Variants in MRE11 observed in about 807,000 individuals in gnomAD.
MRE11 encodes the protein double-strand break repair protein MRE11.
A neutral mutation model predicts 91.7 loss-of-function variants in MRE11; 62 were observed. That is an observed-to-expected ratio of 0.68 (90% CI 0.55 to 0.84). The LOEUF (loss-of-function observed/expected upper bound fraction) is 0.84, where lower values mean the gene tolerates loss of function less well. Among genes scored for constraint, MRE11 ranks in the 40% least tolerant of loss-of-function variants. The probability of loss-of-function intolerance (pLI) is 0.00; values close to 1 mark genes in which losing one functional copy is unlikely to be tolerated. For synonymous variants in MRE11, 273 were observed against 271.4 expected (o/e 1.01, Z -0.06); for missense variants, 796 against 852.9 (o/e 0.93, Z 0.83).
intron 10 of MRE11, among the ~76,000 whole-genome samples, chr11:94,464,627 A>G (rs1426923865): frequency 6.6e-6 from 1 of 152,242 alleles, no homozygotes; most frequent in Non-Finnish European, 1.5e-5. Context: ...CCTTAAATGC[A>G]TTAGTAAATT....
the MRE11 span, among the ~76,000 whole-genome samples, chr11:94,502,638 A>C: frequency 7.2e-5 from 11 of 152,120 alleles, no homozygotes; most frequent in Non-Finnish European, 1.2e-4. Flanking sequence ...TATGTTGTAC[A>C]TAGGCTATAA....
At chr11:94,437,696 AGAG>A (rs1339323351) in intron 16 of MRE11, among the ~76,000 whole-genome samples, 3 of 152,226 alleles carry the variant, frequency 2.0e-5, no homozygotes, top group East Asian at 3.8e-4. Flanking sequence ...GAAATATTCC[AGAG>A]GAGAATTCTA....
At chr11:94,460,813 T>C (rs1313161509) in intron 12 of MRE11, 123 bp downstream of exon 12, 10 of 811,256 alleles carry the variant, frequency 1.2e-5, no homozygotes, top group East Asian at 2.7e-5. Context: ...ATTGTCACCC[T>C]ACTTACTTCA....
Position 94,492,851 on chromosome 11 carries a change from C to T in MRE11, c.-50G>A, listed in dbSNP as rs752881272. 15 of 1,534,226 alleles carry T rather than the reference C, an allele frequency of 9.8e-6. No individual in the cohort carries two copies. Among genetic ancestry groups the T allele is most frequent in the Non-Finnish European group, 1.3e-5 (14 of 1,108,954 alleles). ...GGGACCAGGTTCTTCTCCAAGAACC[C>T]CTGGGTACTGTACTCAAATGTCAGA... On this transcript the variant is annotated 5_prime_UTR_variant, in exon 2 of 20. Transcript: ENST00000323929.
At chr11:94,474,758 A>G (rs1946808540) in intron 7 of MRE11, among the ~76,000 whole-genome samples, 1 of 152,168 alleles carries the variant, frequency 6.6e-6, no homozygotes. Flanking sequence ...AGAAAAATCA[A>G]CATCATATGG....
chr11:94,439,500 A>G (rs979981507), intron 16 of MRE11, among the ~76,000 whole-genome samples: 3 of 152,232 alleles, frequency 2.0e-5, no homozygotes, highest in Non-Finnish European at 2.9e-5. Flanking sequence ...ACTAATATTA[A>G]TAACAGCTAT....
At chr11:94,481,697 T>C (rs12281811) in intron 4 of MRE11, among the ~76,000 whole-genome samples, 222 of 152,352 alleles carry the variant, frequency 1.5e-3, no homozygotes, top group African/African-American at 5.1e-3. Context: ...AAATACTCAA[T>C]TCCTACATGT....
At chr11:94,505,948 G>T in the MRE11 span, among the ~76,000 whole-genome samples, 3,565 of 152,236 alleles carry the variant, frequency 0.023, 87 homozygotes, top group African/African-American at 0.059. Flanking sequence ...CTACAGGTTT[G>T]TAGCCTAGGA....
At position 94,429,896 on chromosome 11, in the gene MRE11, A is replaced by G. The variant is rs1945416630; in HGVS notation, c.2070+15T>C. 8 of 1,596,014 alleles carry G rather than the reference A, an allele frequency of 5.0e-6. No individual in the cohort carries two copies. The highest frequency in any genetic ancestry group is 1.1e-5 in the South Asian group (1 of 89,320). ...GTTAAAAATTAATTAAAATTTAACA[A>G]TATTACTTATTTACCTCACTTGATT... On this transcript the variant is annotated intron_variant, in intron 19 of 19. Transcript: ENST00000323929.
intron 4 of MRE11, among the ~76,000 whole-genome samples, chr11:94,485,073 C>T (rs1322758930): frequency 7.2e-5 from 11 of 151,906 alleles, no homozygotes; most frequent in Non-Finnish European, 1.3e-4. Context: ...ATTTGCCGGG[C>T]GTGGTGATGG....
the MRE11 span, among the ~76,000 whole-genome samples, chr11:94,503,422 C>T: frequency 3.3e-5 from 5 of 152,092 alleles, no homozygotes; most frequent in Non-Finnish European, 5.9e-5. Flanking sequence ...AAAGAAAACA[C>T]GGTGGCTCAC....
the MRE11 span, among the ~76,000 whole-genome samples, chr11:94,510,041 AT>A: frequency 6.6e-6 from 1 of 151,082 alleles, no homozygotes. Flanking sequence ...AAGTGTTAAC[AT>A]TTTTTTTTAA....
At chr11:94,459,202 C>G (rs181642988) in intron 13 of MRE11, among the ~76,000 whole-genome samples, 5 of 152,184 alleles carry the variant, frequency 3.3e-5, no homozygotes, top group Admixed American at 1.3e-4. Context: ...GAACAAAACA[C>G]TTTAGTACCA....
At chr11:94,470,364 A>T in intron 9 of MRE11, 107 bp downstream of exon 9, 1 of 1,119,630 alleles carries the variant, frequency 8.9e-7, no homozygotes, top group South Asian at 1.4e-5. Context: ...GCTTCATGAG[A>T]ATGTAATCAA....
At chr11:94,463,690 C>T (rs1298306032) in intron 11 of MRE11, among the ~76,000 whole-genome samples, 2 of 151,542 alleles carry the variant, frequency 1.3e-5, no homozygotes, top group South Asian at 2.1e-4. Context: ...GACAGAAAAC[C>T]GAACCCCGCA....
Position 94,456,290 on chromosome 11 carries a change from C to G in MRE11, c.1549G>C (p.Asp517His). The G allele has an allele frequency of 6.2e-7, 1 of 1,613,580 alleles. No homozygotes were observed. The highest frequency in any genetic ancestry group is 8.5e-7 in the Non-Finnish European group (1 of 1,179,830). The change falls in exon 14 of 20, where the codon GAT (aspartate) becomes CAT (histidine). Residue 517 changes from aspartate to histidine, a missense_variant. By Grantham distance (81) the Asp-to-His change is moderately conservative (BLOSUM62 -1). Transcript: ENST00000323929. ...TRQKNTNEED[D>H]EVREAMTRAR... ...AGAATAATTACCTCACGGACTTCAT[C>G]ATCTTCTTCATTAGTATTTTTTTGT...
At chr11:94,423,831 G>C (rs915671562) in intron 19 of MRE11, among the ~76,000 whole-genome samples, 1 of 152,184 alleles carries the variant, frequency 6.6e-6, no homozygotes, top group Non-Finnish European at 1.5e-5. Context: ...TGGGGCTGTC[G>C]AGCTAAGAGC....
In MRE11 at chr11:94,492,883, AC is replaced by A. The variant is rs540320574; in HGVS notation, c.-83del. ...ACTGTACTCAAATGTCAGAAAATGC[AC>A]TCGATTCCAAATTCTAGAAATTCTA... On this transcript the variant is annotated 5_prime_UTR_variant, in exon 2 of 20. In the 5' UTR this introduces an upstream ATG that the reference lacks. Transcript: ENST00000323929. 2.7e-5 allele frequency: 34 copies of A among 1,269,866 alleles called. No individual in the cohort carries two copies. In the South Asian group the frequency reaches 3.4e-4, roughly 13 times the overall value. 78.7% of individuals were successfully genotyped at this position (1,269,866 alleles called of 1,614,324 possible). A position where few individuals can be genotyped will look rare whatever the true frequency, so the allele number is the denominator to read the frequency against.
At chr11:94,457,991 C>T (rs772143936) in intron 13 of MRE11, among the ~76,000 whole-genome samples, 8 of 151,294 alleles carry the variant, frequency 5.3e-5, no homozygotes. Flanking sequence ...CTGGTATGTA[C>T]CTGAGAAATC....
Sources: gnomAD v4.1 joint callset for allele counts (sites outside exome capture counted in the v4.1 genomes callset) on GRCh38, gnomAD v4.1.1 for gene constraint, MANE v1.5 for transcripts, NCBI Gene and HGNC (gene_info 2026-07-23, HGNC 2026-07-21) for gene names.